Variants in POU6F2 observed in about 807,000 individuals in gnomAD.
POU6F2 encodes POU class 6 homeobox 2, also known as POU domain, class 6, transcription factor 2.
Under a neutral mutation model 71.3 loss-of-function variants are expected in POU6F2, and 31 were observed. The observed-to-expected ratio is 0.43, with a 90% CI of 0.33 to 0.59. The LOEUF (loss-of-function observed/expected upper bound fraction) is 0.59, where lower values mean the gene tolerates loss of function less well. Among genes scored for constraint, POU6F2 ranks in the 20% least tolerant of loss-of-function variants. The pLI, the probability that POU6F2 is intolerant of heterozygous loss-of-function variation, is 0.04. For missense variants in POU6F2, 783 were observed against 856.8 expected, an observed-to-expected ratio of 0.91 and a Z score of 1.07; for synonymous variants, 347 against 355.7, an observed-to-expected ratio of 0.98 and a Z score of 0.27.
intron 1 of POU6F2, among the ~76,000 whole-genome samples, chr7:39,020,974 A>G (rs1479779788): frequency 6.6e-6 from 1 of 151,638 alleles, no homozygotes; most frequent in African/African-American, 2.4e-5. Context: ...TTTTTTTAAA[A>G]TGTTCTTTTA....
intron 1 of POU6F2, among the ~76,000 whole-genome samples, chr7:39,031,878 CA>C (rs199859333): frequency 3.9e-4 from 55 of 141,862 alleles, no homozygotes; most frequent in East Asian, 1.0e-3. Flanking sequence ...GAGACTGCCT[CA>C]AAAAAAAAAA....
chr7:39,280,028 A>G (rs1026720352), intron 4 of POU6F2, among the ~76,000 whole-genome samples: 1 of 152,088 alleles, frequency 6.6e-6, no homozygotes, highest in African/African-American at 2.4e-5. Context: ...TGTAGATGTG[A>G]GTCTCCGTGC....
intron 1 of POU6F2, among the ~76,000 whole-genome samples, chr7:38,983,201 T>G (rs1788368074): frequency 6.6e-6 from 1 of 152,138 alleles, no homozygotes; most frequent in Non-Finnish European, 1.5e-5. Context: ...AAATATTGAC[T>G]TTAATTTGAA....
At chr7:39,182,994 C>A (rs549148341) in intron 2 of POU6F2, among the ~76,000 whole-genome samples, 3 of 152,304 alleles carry the variant, frequency 2.0e-5, no homozygotes, top group East Asian at 3.9e-4. Context: ...GTGTCCCCAA[C>A]TCCCAAGCTG....
chr7:39,036,681 T>G (rs906149236), intron 1 of POU6F2, among the ~76,000 whole-genome samples: 1 of 151,612 alleles, frequency 6.6e-6, no homozygotes, highest in Admixed American at 6.6e-5. Flanking sequence ...AAAAAAAATC[T>G]TATGTCTTAT....
chr7:39,285,294 A>G (rs911620304), intron 4 of POU6F2, among the ~76,000 whole-genome samples: 1 of 152,216 alleles, frequency 6.6e-6, no homozygotes, highest in African/African-American at 2.4e-5. Context: ...GGTTCCATGC[A>G]TGATGCACAG....
At chr7:39,138,778 G>C (rs1408821948) in intron 2 of POU6F2, among the ~76,000 whole-genome samples, 1 of 152,122 alleles carries the variant, frequency 6.6e-6, no homozygotes, top group Non-Finnish European at 1.5e-5. Context: ...TGCCCCCCAG[G>C]TCCATGGAAG....
Position 39,231,428 on chromosome 7 carries a change from A to G in POU6F2, c.598+23808A>G, listed in dbSNP as rs563133398. On this transcript the variant is annotated intron_variant, in intron 4 of 9. Transcript: ENST00000518318. ...GGCATTTACTATATGCTTTATTGAC[A>G]TCATATTTAATCATCACAACTCTAT... Among the ~76,000 whole-genome samples, 3 of 152,308 alleles carry G rather than the reference A, an allele frequency of 2.0e-5. No individual in the cohort carries two copies. In the East Asian group the frequency reaches 5.8e-4, roughly 29 times the overall value.
intron 2 of POU6F2, among the ~76,000 whole-genome samples, chr7:39,107,043 T>C (rs1791705175): frequency 1.3e-5 from 2 of 150,982 alleles, no homozygotes; most frequent in Non-Finnish European, 3.0e-5. Flanking sequence ...TTCTTTCTTT[T>C]TTTTTTTTTT....
At chr7:38,990,541 T>C (rs955314793) in intron 1 of POU6F2, among the ~76,000 whole-genome samples, 26 of 152,170 alleles carry the variant, frequency 1.7e-4, no homozygotes, top group African/African-American at 6.3e-4. Context: ...CATGGATATA[T>C]GGTTAGAAAA....
rs957735336 is a variant in POU6F2 at position 39,381,104 on chromosome 7, C to G, written c.973-25496C>G. On this transcript the variant is annotated intron_variant, in intron 5 of 9. Coordinates refer to ENST00000518318, the MANE Select transcript of POU6F2 (RefSeq NM_001370959.1). ...ACAGAGTCTCACTCACTCTGTCCCC[C>G]AGGCTGCAGTGCAGTGGTGCGATCT... Among the ~76,000 whole-genome samples the G allele has an allele frequency of 2.0e-5, 3 of 152,192 alleles. No homozygotes were observed. In the South Asian group the frequency reaches 6.2e-4, roughly 32 times the overall value.
chr7:39,066,601 C>T (rs557026830), intron 1 of POU6F2, among the ~76,000 whole-genome samples: 3 of 151,372 alleles, frequency 2.0e-5, no homozygotes, highest in Non-Finnish European at 4.4e-5. Context: ...ACAAAAATGT[C>T]TGTAGCAGGT....
At chr7:39,074,224 C>A (rs1474503247) in intron 1 of POU6F2, among the ~76,000 whole-genome samples, 3 of 152,074 alleles carry the variant, frequency 2.0e-5, no homozygotes, top group African/African-American at 7.2e-5. Context: ...TGGCTCACAC[C>A]TGTAATCCCA....
In POU6F2 at chr7:39,227,879, C is replaced by T. The variant is rs562451432; in HGVS notation, c.598+20259C>T. Reference sequence around the variant, plus strand: ...GCAACATTGGTACCTTTAAAAAACTCCCTGGTTGAGTGTCCTGTGCAGCCA... The same window carrying T: ...GCAACATTGGTACCTTTAAAAAACTTCCTGGTTGAGTGTCCTGTGCAGCCA... On this transcript the variant is annotated intron_variant, in intron 4 of 9. Coordinates refer to ENST00000518318, the MANE Select transcript of POU6F2 (RefSeq NM_001370959.1). Among the ~76,000 whole-genome samples the T allele has an allele frequency of 2.0e-5, 3 of 152,210 alleles. No individual in the cohort carries two copies. The South Asian group carries it at 6.2e-4, about 32-fold the overall frequency.
chr7:39,206,345 G>A (rs958280922), intron 3 of POU6F2, among the ~76,000 whole-genome samples: 1 of 152,078 alleles, frequency 6.6e-6, no homozygotes, highest in Non-Finnish European at 1.5e-5. Context: ...AAAACATGCC[G>A]AGCAGTTGCC....
intron 1 of POU6F2, among the ~76,000 whole-genome samples, chr7:39,056,491 T>C (rs1342005696): frequency 1.3e-5 from 2 of 152,182 alleles, no homozygotes; most frequent in Non-Finnish European, 2.9e-5. Context: ...TGATGCATTT[T>C]CTTTTGTTGT....
At chr7:39,414,070 A>G (rs1562820975) in intron 6 of POU6F2, among the ~76,000 whole-genome samples, 1 of 151,852 alleles carries the variant, frequency 6.6e-6, no homozygotes, top group East Asian at 1.9e-4. Context: ...CACCCCAGCA[A>G]CCCCTTTAAC....
intron 7 of POU6F2, among the ~76,000 whole-genome samples, chr7:39,445,038 C>T (rs1259907607): frequency 6.6e-6 from 1 of 152,134 alleles, no homozygotes; most frequent in Non-Finnish European, 1.5e-5. Context: ...CTCAATTTTT[C>T]CTCAAAAGGT....
At chr7:39,313,359 A>C (rs927578654) in intron 4 of POU6F2, among the ~76,000 whole-genome samples, 1 of 151,578 alleles carries the variant, frequency 6.6e-6, no homozygotes, top group South Asian at 2.1e-4. Context: ...AATACCCCCA[A>C]CACCCTCTTT....
Sources: gnomAD v4.1 joint callset for allele counts (sites outside exome capture counted in the v4.1 genomes callset) on GRCh38, gnomAD v4.1.1 for gene constraint, MANE v1.5 for transcripts, NCBI Gene and HGNC (gene_info 2026-07-23, HGNC 2026-07-21) for gene names.